POU2F1: variants seen among roughly 807,000 people sequenced by gnomAD.
POU2F1 encodes POU class 2 homeobox 1, also known as POU domain, class 2, transcription factor 1.
In POU2F1, 16 loss-of-function variants were observed where a neutral mutation model predicts 84.9. The ratio of observed to expected loss-of-function variants is 0.19; its 90% CI spans 0.13 to 0.29. POU2F1 has a LOEUF of 0.29. Among genes scored for constraint, POU2F1 ranks in the 10% least tolerant of loss-of-function variants. The pLI, the probability that POU2F1 is intolerant of heterozygous loss-of-function variation, is 1.00. For missense variants in POU2F1, 738 were observed against 942.6 expected (o/e 0.78, Z 2.84); for synonymous variants, 368 against 368.3 (o/e 1.00, Z 0.01).
At chr1:167,394,016 T>TTTTATTTTA (rs1648622094) in intron 9 of POU2F1, among the ~76,000 whole-genome samples, 1 of 151,112 alleles carries the variant, frequency 6.6e-6, no homozygotes, top group Non-Finnish European at 1.5e-5. Flanking sequence ...TTTTATTTTA[T>TTTTATTTTA]TTTATTTTAT....
At chr1:167,300,914 G>A (rs527741581) in intron 1 of POU2F1, among the ~76,000 whole-genome samples, 1 of 152,184 alleles carries the variant, frequency 6.6e-6, no homozygotes, top group East Asian at 1.9e-4. Context: ...GGGATTACAG[G>A]CGCATGCCAC....
Position 167,288,733 on chromosome 1 carries a change from C to A in POU2F1, c.62-43737C>A, listed in dbSNP as rs376068712. ...ACAAAGATTTATGTCTACTTATAGG[C>A]TGCTGAACAAATTTTAATTTAGATA... On this transcript the variant is annotated intron_variant, in intron 1 of 15. Transcript: ENST00000367866. Among the ~76,000 whole-genome samples, 32 of 152,262 alleles carry A rather than the reference C, an allele frequency of 2.1e-4. No homozygotes were observed. The South Asian group carries it at 6.6e-3, about 32-fold the overall frequency.
intron 2 of POU2F1, among the ~76,000 whole-genome samples, chr1:167,340,973 T>C (rs1657810084): frequency 6.6e-6 from 1 of 152,180 alleles, no homozygotes. Flanking sequence ...GAATTGAAAC[T>C]GTATCTTACA....
At chr1:167,348,572 A>G (rs929793682) in intron 2 of POU2F1, among the ~76,000 whole-genome samples, 9 of 152,218 alleles carry the variant, frequency 5.9e-5, no homozygotes, top group Non-Finnish European at 1.2e-4. Flanking sequence ...GCAACTCTTC[A>G]TTCATTTTCC....
intron 2 of POU2F1, among the ~76,000 whole-genome samples, chr1:167,352,121 A>C (rs1427388421): frequency 5.3e-5 from 8 of 152,270 alleles, no homozygotes; most frequent in African/African-American, 1.9e-4. Flanking sequence ...AATAAAAATT[A>C]AAGCTGTTAT....
chr1:167,411,410 T>C (rs922219947), intron 13 of POU2F1, among the ~76,000 whole-genome samples: 4 of 152,128 alleles, frequency 2.6e-5, no homozygotes, highest in Non-Finnish European at 4.4e-5. Flanking sequence ...ATGTTGTTTT[T>C]TTTTTTACCA....
intron 1 of POU2F1, among the ~76,000 whole-genome samples, chr1:167,312,787 G>C (rs1407983844): frequency 2.0e-5 from 3 of 151,914 alleles, no homozygotes; most frequent in African/African-American, 2.4e-5. Context: ...CCCTATACAG[G>C]TATACTATTT....
chr1:167,357,354 ACGCCTCCCCCCCCACCCCCCCCCCAC>A (rs1659012025), intron 2 of POU2F1: 1 of 18,050 alleles, frequency 5.5e-5, no homozygotes, highest in Non-Finnish European at 9.9e-5. Context: ...CCCCTCCCCC[ACGCCTCCCCCCCCACCCCCCCCCCAC>A]CCCCCCCCGC....
At chr1:167,317,124 C>T (rs1397447039) in intron 1 of POU2F1, among the ~76,000 whole-genome samples, 1 of 152,172 alleles carries the variant, frequency 6.6e-6, no homozygotes. Flanking sequence ...AACTACTGAC[C>T]TCAGGTGATC....
intron 1 of POU2F1, among the ~76,000 whole-genome samples, chr1:167,254,201 T>G (rs1650962075): frequency 6.6e-6 from 1 of 152,244 alleles, no homozygotes; most frequent in Admixed American, 6.5e-5. Context: ...TAAAAAATCT[T>G]TGTAAAATAA....
chr1:167,329,533 A>C (rs947513777), intron 1 of POU2F1, among the ~76,000 whole-genome samples: 4 of 152,158 alleles, frequency 2.6e-5, no homozygotes, highest in Non-Finnish European at 5.9e-5. Context: ...ATCGTTAGTA[A>C]ATACAGTTAA....
intron 1 of POU2F1, among the ~76,000 whole-genome samples, chr1:167,246,549 A>T (rs1650335098): frequency 6.6e-6 from 1 of 152,230 alleles, no homozygotes; most frequent in South Asian, 2.1e-4. Context: ...TTCACAAATA[A>T]TCTAAGAAGT....
At chr1:167,346,393 A>G (rs1658201102) in intron 2 of POU2F1, among the ~76,000 whole-genome samples, 1 of 152,202 alleles carries the variant, frequency 6.6e-6, no homozygotes, top group Non-Finnish European at 1.5e-5. Context: ...ATTACAATCA[A>G]GTACAATCAC....
intron 4 of POU2F1, among the ~76,000 whole-genome samples, chr1:167,370,687 T>G (rs1300616222): frequency 6.6e-6 from 1 of 152,210 alleles, no homozygotes; most frequent in African/African-American, 2.4e-5. Context: ...GCAAGTCACA[T>G]AACCTCCTTG....
chr1:167,336,368 C>T (rs1271705135), intron 2 of POU2F1, among the ~76,000 whole-genome samples: 1 of 152,150 alleles, frequency 6.6e-6, no homozygotes, highest in African/African-American at 2.4e-5. Context: ...GTGAACAGTT[C>T]ATCCAGTAAA....
At chr1:167,290,099 A>T (rs17348706) in intron 1 of POU2F1, among the ~76,000 whole-genome samples, 7,972 of 152,242 alleles carry the variant, frequency 0.052, 279 homozygotes, top group Non-Finnish European at 0.076. Flanking sequence ...AACTACTAAG[A>T]TTGCATGAAG....
At chr1:167,282,404 G>A (rs969305932) in intron 1 of POU2F1, among the ~76,000 whole-genome samples, 6 of 152,186 alleles carry the variant, frequency 3.9e-5, no homozygotes, top group African/African-American at 1.2e-4. Flanking sequence ...TCGGCCTCCC[G>A]AAGTGCTGGG....
At chr1:167,369,020 T>C (rs1659853639) in intron 3 of POU2F1, among the ~76,000 whole-genome samples, 1 of 152,184 alleles carries the variant, frequency 6.6e-6, no homozygotes, top group South Asian at 2.1e-4. Flanking sequence ...TTGCAGAGAC[T>C]TTCATGTTTC....
At chr1:167,247,720 T>C (rs1409142450) in intron 1 of POU2F1, among the ~76,000 whole-genome samples, 2 of 152,194 alleles carry the variant, frequency 1.3e-5, no homozygotes, top group Non-Finnish European at 2.9e-5. Flanking sequence ...GGAATATGTC[T>C]TTATGACTTA....
Sources: allele counts gnomAD v4.1 joint callset (sites outside exome capture counted in the v4.1 genomes callset), GRCh38; gene constraint gnomAD v4.1.1; transcripts MANE v1.5; gene names NCBI Gene and HGNC (gene_info 2026-07-23, HGNC 2026-07-21).